The following CDK12 variants were observed in gnomAD, a reference collection of about 807,000 sequenced individuals.
CDK12 encodes the protein cyclin-dependent kinase 12.
CDK12 carries 17 observed loss-of-function variants against 133.8 expected under a neutral mutation model. The observed-to-expected ratio is 0.13, with a 90% CI of 0.09 to 0.19. CDK12 has a LOEUF of 0.19. Ranked by LOEUF, CDK12 falls within the 10% of genes least tolerant of loss-of-function variation. CDK12 has a pLI of 1.00. For missense variants in CDK12, 1,508 were observed against 1,818.7 expected (o/e 0.83, Z 3.11); for synonymous variants, 694 against 683.6 (o/e 1.02, Z -0.24).
intron 5 of CDK12, among the ~76,000 whole-genome samples, chr17:39,495,443 A>G (rs34910003): frequency 0.051 from 6,928 of 134,678 alleles, 588 homozygotes; most frequent in African/African-American, 0.19. Context: ...ATGAATGGAT[A>G]TGATGCATGT....
Position 39,492,747 on chromosome 17 carries a change from T to G in CDK12, c.2109-4T>G. ...ATAACTATTTTGTTGTTTTTACTTT[T>G]TAGAATTTGTTGTCCTCGTTATGGA... On this transcript the variant is annotated splice_region_variant and splice_polypyrimidine_tract_variant and intron_variant, in intron 3 of 13. Transcript: ENST00000447079. 4 of 1,604,592 alleles carry G rather than the reference T, an allele frequency of 2.5e-6. No individual in the cohort carries two copies. The South Asian group carries it at 3.4e-5, about 13-fold the overall frequency.
chr17:39,463,817 A>G (rs1034931354), intron 1 of CDK12, among the ~76,000 whole-genome samples: 4 of 151,960 alleles, frequency 2.6e-5, no homozygotes, highest in African/African-American at 9.7e-5. Flanking sequence ...ACATAGTAAT[A>G]ATGCCTTCTT....
chr17:39,557,624 G>A (rs2056208857), intron 3 of CDK12, among the ~76,000 whole-genome samples: 1 of 152,194 alleles, frequency 6.6e-6, no homozygotes, highest in South Asian at 2.1e-4. Flanking sequence ...TGGGATGAAA[G>A]ACTTCAGATT....
intron 2 of CDK12, among the ~76,000 whole-genome samples, chr17:39,554,482 G>A (rs776498191): frequency 6.6e-6 from 1 of 152,138 alleles, no homozygotes; most frequent in Non-Finnish European, 1.5e-5. Context: ...TAGGGTAACG[G>A]GGTTTGAGGT....
intron 3 of CDK12, among the ~76,000 whole-genome samples, chr17:39,562,370 T>A (rs1244214518): frequency 6.6e-6 from 1 of 152,176 alleles, no homozygotes; most frequent in Non-Finnish European, 1.5e-5. Flanking sequence ...CTTTCACCTC[T>A]ACCCACTCTG....
intron 1 of CDK12, among the ~76,000 whole-genome samples, chr17:39,467,445 C>A (rs2049427529): frequency 6.6e-6 from 1 of 152,136 alleles, no homozygotes; most frequent in Non-Finnish European, 1.5e-5. Flanking sequence ...TTGCTTATTG[C>A]TGGCTGTGTT....
chr17:39,473,124 C>T (rs1469648827), intron 2 of CDK12, among the ~76,000 whole-genome samples: 1 of 151,720 alleles, frequency 6.6e-6, no homozygotes, highest in East Asian at 1.9e-4. Context: ...CAAATAGTCC[C>T]AGTAGCCCCC....
At chr17:39,536,247 C>T (rs2055129922), downstream of CDK12, among the ~76,000 whole-genome samples, 1 of 152,142 alleles carries the variant, frequency 6.6e-6, no homozygotes, top group South Asian at 2.1e-4. Context: ...TTTAGGCCTA[C>T]CATCGGTATT....
At chr17:39,513,607 C>CT (rs1295040446) in intron 8 of CDK12, among the ~76,000 whole-genome samples, 1 of 152,180 alleles carries the variant, frequency 6.6e-6, no homozygotes, top group African/African-American at 2.4e-5. Flanking sequence ...TCTGTGCAGC[C>CT]TGCCACCTCA....
At chr17:39,487,831 T>C (rs902866185) in intron 2 of CDK12, among the ~76,000 whole-genome samples, 2 of 152,022 alleles carry the variant, frequency 1.3e-5, no homozygotes, top group Non-Finnish European at 2.9e-5. Flanking sequence ...GCCAGGTTGG[T>C]CTTGAACTCC....
intron 2 of CDK12, among the ~76,000 whole-genome samples, chr17:39,481,638 C>G (rs1384755160): frequency 1.1e-3 from 6 of 5,222 alleles, no homozygotes; most frequent in African/African-American, 3.2e-3. Flanking sequence ...CGCGCGCTCT[C>G]TCTCTCTCTC....
intron 2 of CDK12, among the ~76,000 whole-genome samples, chr17:39,481,809 C>T (rs1367958937): frequency 6.6e-6 from 1 of 151,796 alleles, no homozygotes; most frequent in African/African-American, 2.4e-5. Flanking sequence ...CAACCTCCGC[C>T]TCCCGGGTTG....
At chr17:39,507,033 A>G (rs187059868) in intron 6 of CDK12, among the ~76,000 whole-genome samples, 1,527 of 151,990 alleles carry the variant, frequency 0.01, 14 homozygotes, top group Middle Eastern at 0.031. Context: ...AGTGGCTAGG[A>G]CTACAGGTGT....
In CDK12 at chr17:39,471,687, A is replaced by T; in HGVS notation, c.1855A>T (p.Ile619Phe). 1 of 1,614,128 alleles carries T rather than the reference A, an allele frequency of 6.2e-7. No individual in the cohort carries two copies. The highest frequency in any genetic ancestry group is 8.5e-7 in the Non-Finnish European group (1 of 1,179,990). ...VKTQVSVTAA[I>F]PHLKTSTLPP... is the part of the protein sequence containing the mutation. ...GACTCAAGTATCTGTAACAGCTGCT[A>T]TTCCACACCTGAAAACTTCAACGTT... The change falls in exon 2 of 14, where the codon ATT (isoleucine) becomes TTT (phenylalanine). Residue 619 changes from isoleucine to phenylalanine, a missense_variant. Coordinates refer to ENST00000447079, the MANE Select transcript of CDK12 (RefSeq NM_016507.4).
At chr17:39,471,846 T>A in intron 2 of CDK12, 83 bp downstream of exon 2, 9 of 1,188,922 alleles carry the variant, frequency 7.6e-6, no homozygotes, top group Non-Finnish European at 1.1e-5. Context: ...AACACTACCC[T>A]CATGGTTTTA....
At position 39,462,423 on chromosome 17, in the gene CDK12, C is replaced by T. The variant is rs1021200845; in HGVS notation, c.352C>T (p.Arg118Cys). Reference protein sequence around the residue: ...LHKHRHHQHRRSRDLLKAKQT... With the variant: ...LHKHRHHQHRCSRDLLKAKQT... ...CAAACATCGTCACCACCAGCACAGG[C>T]GTTCCCGGGACTTACTAAAAGCTAA... Residue 118 changes from arginine to cysteine, a missense_variant, in exon 1 of 14, where the codon CGT becomes TGT. By Grantham distance (180) the Arg-to-Cys change is radical (BLOSUM62 -3). Transcript: ENST00000447079. 1.2e-6 allele frequency: 2 copies of T among 1,614,100 alleles called. No individual in the cohort carries two copies. The highest frequency in any genetic ancestry group is 1.7e-6 in the Non-Finnish European group (2 of 1,180,030).
chr17:39,463,764 T>G (rs2049107173), intron 1 of CDK12, among the ~76,000 whole-genome samples: 1 of 152,000 alleles, frequency 6.6e-6, no homozygotes, highest in Admixed American at 6.6e-5. Context: ...ATCACTGACC[T>G]ACCTTGTGAC....
upstream of CDK12, among the ~76,000 whole-genome samples, chr17:39,543,471 G>A (rs2055526708): frequency 6.6e-6 from 1 of 152,170 alleles, no homozygotes; most frequent in South Asian, 2.1e-4. Context: ...AGCAGAGAGT[G>A]GAATACTGGA....
intron 2 of CDK12, among the ~76,000 whole-genome samples, chr17:39,489,393 C>T (rs1409581222): frequency 6.6e-6 from 1 of 150,800 alleles, no homozygotes; most frequent in Non-Finnish European, 1.5e-5. Flanking sequence ...TTAGTAGAGA[C>T]AGGGTTTCAC....
Sources: gnomAD v4.1 joint callset for allele counts (sites outside exome capture counted in the v4.1 genomes callset) on GRCh38, gnomAD v4.1.1 for gene constraint, MANE v1.5 for transcripts, NCBI Gene and HGNC (gene_info 2026-07-23, HGNC 2026-07-21) for gene names.